Variants in ME1 observed in about 807,000 individuals in gnomAD.
ME1 encodes the protein NADP-dependent malic enzyme.
Under a neutral mutation model 66.4 loss-of-function variants are expected in ME1, and 74 were observed. The observed-to-expected ratio is 1.11, with a 90% CI of 0.92 to 1.35. ME1 has a LOEUF of 1.35. Ranked by LOEUF, ME1 falls within the 40% of genes most tolerant of loss-of-function variation. The probability of loss-of-function intolerance (pLI) is 0.00; values close to 1 mark genes in which losing one functional copy is unlikely to be tolerated. For missense variants in ME1, 750 were observed against 694.1 expected (o/e 1.08, Z -0.90); for synonymous variants, 251 against 235.6 (o/e 1.07, Z -0.60).
rs1790244727 is a variant in ME1, at chr6:83,228,722, T to C, written c.1132+104A>G. The C allele has an allele frequency of 1.9e-5, 15 of 772,220 alleles. 1 individual carries two copies. The highest frequency in any genetic ancestry group is 3.3e-5 in the Non-Finnish European group (15 of 459,890). 47.8% of individuals were successfully genotyped at this position (772,220 alleles called of 1,614,324 possible). On this transcript the variant is annotated intron_variant, in intron 10 of 13. Transcript: ENST00000369705. ...CTGTCGCTTGAGCGAACGTGTAGTT[T>C]TTTGAATTCAAAAAGGCTAAATTAT... is the stretch of plus-strand genomic sequence containing the variant.
intron 12 of ME1, 140 bp from the exon 13 acceptor site, chr6:83,216,736 C>T: frequency 3.6e-6 from 2 of 558,826 alleles, no homozygotes; most frequent in Non-Finnish European, 6.2e-6. Context: ...TAATTTCATC[C>T]CCACTTCTAT....
intron 3 of ME1, among the ~76,000 whole-genome samples, chr6:83,381,351 G>A (rs1769394058): frequency 1.3e-5 from 2 of 151,974 alleles, no homozygotes; most frequent in Admixed American, 6.6e-5. Context: ...GATTGACTTG[G>A]GCTATAAATA....
intron 3 of ME1, among the ~76,000 whole-genome samples, chr6:83,391,984 T>C (rs1401566921): frequency 6.6e-6 from 1 of 152,248 alleles, no homozygotes; most frequent in Non-Finnish European, 1.5e-5. Flanking sequence ...TCAAACATTC[T>C]AGACAATTTA....
intron 13 of ME1, among the ~76,000 whole-genome samples, chr6:83,215,818 C>G (rs1789981322): frequency 6.6e-6 from 1 of 152,242 alleles, no homozygotes; most frequent in African/African-American, 2.4e-5. Context: ...TTAAGCCACA[C>G]AGTCTGTGGC....
At chr6:83,296,077 T>G (rs1767593732) in intron 6 of ME1, among the ~76,000 whole-genome samples, 1 of 152,052 alleles carries the variant, frequency 6.6e-6, no homozygotes, top group Non-Finnish European at 1.5e-5. Context: ...CACAGATAAA[T>G]TCTATCAAAT....
At chr6:83,295,432 C>T (rs922809876) in intron 6 of ME1, among the ~76,000 whole-genome samples, 72 of 152,204 alleles carry the variant, frequency 4.7e-4, no homozygotes, top group African/African-American at 1.6e-3. Flanking sequence ...ACTGAAATGA[C>T]AGAAATAAAA....
chr6:83,240,298 A>G (rs1215587349), intron 7 of ME1, among the ~76,000 whole-genome samples: 1 of 152,124 alleles, frequency 6.6e-6, no homozygotes, highest in East Asian at 1.9e-4. Flanking sequence ...ATTTAATGTT[A>G]ATGGCAAGTA....
chr6:83,362,923 T>G (rs1769030891), intron 3 of ME1, among the ~76,000 whole-genome samples: 1 of 152,204 alleles, frequency 6.6e-6, no homozygotes, highest in Non-Finnish European at 1.5e-5. Context: ...TTACCATGTT[T>G]CCTATCATCC....
intron 3 of ME1, among the ~76,000 whole-genome samples, chr6:83,385,094 G>C (rs1431820288): frequency 6.6e-5 from 10 of 151,770 alleles, no homozygotes; most frequent in Admixed American, 6.6e-4. Context: ...TCCACCAACT[G>C]TTTCTCACAT....
chr6:83,287,672 A>T (rs142834481), intron 6 of ME1, among the ~76,000 whole-genome samples: 13 of 152,302 alleles, frequency 8.5e-5, no homozygotes, highest in African/African-American at 3.1e-4. Flanking sequence ...TACACTCAGT[A>T]ATGGGAAAGC....
chr6:83,398,391 T>C lies in ME1; in HGVS notation c.338A>G (p.Tyr113Cys), dbSNP rs1562002888. ...TPTVGLACQQYSLVFRKPRGL... is the reference protein window; with the variant it reads ...TPTVGLACQQCSLVFRKPRGL... ...CCTTGGCTTCCGAAACACCAAACTA[T>C]ATTGTTGGCAAGCCAGACCCACAGT... is the stretch of plus-strand genomic sequence containing the variant. Residue 113 changes from tyrosine (Y) to cysteine (C), a missense_variant, in exon 3 of 14, where the codon TAT (tyrosine) becomes TGT (cysteine). Physicochemically the swap from Tyr to Cys is radical, Grantham distance 194. Transcript: ENST00000369705. 1 of 1,589,904 alleles carries C rather than the reference T, an allele frequency of 6.3e-7. No homozygotes were observed. The highest frequency in any genetic ancestry group is 8.5e-7 in the Non-Finnish European group (1 of 1,170,934).
At chr6:83,219,499 C>T (rs1790047294) in intron 12 of ME1, among the ~76,000 whole-genome samples, 1 of 152,128 alleles carries the variant, frequency 6.6e-6, no homozygotes, top group Non-Finnish European at 1.5e-5. Context: ...CTTCCTAATT[C>T]ATAAGGATTG....
chr6:83,346,367 G>A, intron 4 of ME1, 33 bp from the exon 5 acceptor site: 1 of 1,514,456 alleles, frequency 6.6e-7, no homozygotes, highest in Non-Finnish European at 8.9e-7. Context: ...CTATTAACAA[G>A]TTTTCACAAA....
At position 83,431,009 on chromosome 6, in the gene ME1, G is replaced by T; in HGVS notation, c.-55C>A. ...GGCCGGGGCGGGCCGCACGCGCGGTGCAGGCGGCGGATGCTGCTGGGGTGA... is the reference window on the plus strand; with the variant it reads ...GGCCGGGGCGGGCCGCACGCGCGGTTCAGGCGGCGGATGCTGCTGGGGTGA... On this transcript the variant is annotated 5_prime_UTR_variant, in exon 1 of 14. Coordinates refer to ENST00000369705, the MANE Select transcript of ME1 (RefSeq NM_002395.6). 8.4e-7 allele frequency: 1 copy of T among 1,193,608 alleles called. No individual in the cohort carries two copies. The highest frequency in any genetic ancestry group is 1.1e-6 in the Non-Finnish European group (1 of 890,200). The allele number at this position is 1,193,608 out of a possible 1,614,324, so 73.9% of individuals were successfully genotyped here.
At chr6:83,234,837 T>C (rs1028477251) in intron 9 of ME1, among the ~76,000 whole-genome samples, 7 of 152,190 alleles carry the variant, frequency 4.6e-5, no homozygotes, top group African/African-American at 1.7e-4. Flanking sequence ...GCTTCCTTTC[T>C]AATATAATCT....
At chr6:83,389,886 A>G (rs1418973181) in intron 3 of ME1, among the ~76,000 whole-genome samples, 2 of 152,180 alleles carry the variant, frequency 1.3e-5, no homozygotes, top group Non-Finnish European at 2.9e-5. Context: ...AAATACTGGA[A>G]ATTCTGCAAG....
At chr6:83,334,118 G>A (rs1378380221) in intron 5 of ME1, among the ~76,000 whole-genome samples, 9 of 152,134 alleles carry the variant, frequency 5.9e-5, no homozygotes, top group Non-Finnish European at 7.3e-5. Flanking sequence ...TGCACCGTGC[G>A]CGAGCCGAAG....
chr6:83,342,915 C>A (rs1021904539), intron 5 of ME1, among the ~76,000 whole-genome samples: 6 of 152,154 alleles, frequency 3.9e-5, no homozygotes, highest in Non-Finnish European at 8.8e-5. Flanking sequence ...AACTCTCAAC[C>A]TCAGGTGATC....
chr6:83,311,830 T>C (rs540227718), intron 6 of ME1, among the ~76,000 whole-genome samples: 1 of 152,090 alleles, frequency 6.6e-6, no homozygotes, highest in Non-Finnish European at 1.5e-5. Context: ...AAGTGGGGTG[T>C]GTGTGGCTAA....
Sources: allele counts gnomAD v4.1 joint callset (sites outside exome capture counted in the v4.1 genomes callset), GRCh38; gene constraint gnomAD v4.1.1; transcripts MANE v1.5; gene names NCBI Gene and HGNC (gene_info 2026-07-23, HGNC 2026-07-21).